Variants in SLC22A23 observed in about 807,000 individuals in gnomAD.
SLC22A23 encodes the protein ion transporter protein.
Under a neutral mutation model 61.0 loss-of-function variants are expected in SLC22A23, and 26 were observed. The ratio of observed to expected loss-of-function variants is 0.43; its 90% CI spans 0.31 to 0.59. The LOEUF is 0.59. SLC22A23 is among the 20% of genes least tolerant of loss of function. SLC22A23 has a pLI of 0.11. For synonymous variants in SLC22A23, 430 were observed against 413.9 expected (o/e 1.04, Z -0.47); for missense variants, 796 against 934.7 (o/e 0.85, Z 1.94).
At chr6:3,343,566 C>T (rs1040929165) in intron 3 of SLC22A23, among the ~76,000 whole-genome samples, 21 of 152,116 alleles carry the variant, frequency 1.4e-4, no homozygotes, top group Non-Finnish European at 2.6e-4. Flanking sequence ...ATCACCATGA[C>T]CATTAATGAG....
At chr6:3,289,648 A>C in intron 6 of SLC22A23, 116 bp downstream of exon 6, 1 of 804,666 alleles carries the variant, frequency 1.2e-6, no homozygotes, top group South Asian at 1.8e-5. Context: ...CTTCACACAC[A>C]CACCCTTAGG....
chr6:3,431,927 T>C (rs1581879517), intron 1 of SLC22A23, among the ~76,000 whole-genome samples: 1 of 152,194 alleles, frequency 6.6e-6, no homozygotes, highest in East Asian at 1.9e-4. Flanking sequence ...TAATGCATTG[T>C]AGTTGTTGGT....
In SLC22A23 at chr6:3,330,840, T is replaced by TA. The variant is rs1298569577; in HGVS notation, c.914-6839dup. Among the ~76,000 whole-genome samples, 8 of 152,192 alleles carry TA rather than the reference T, an allele frequency of 5.3e-5. No individual in the cohort carries two copies. The highest frequency in any genetic ancestry group is 7.3e-5 in the Non-Finnish European group (5 of 68,032). ...CTCCATTTAGAGAAAGGGAAAATTT[T>TA]AAAAAACAGAGAAATTTTAAGTATT... On this transcript the variant is annotated intron_variant, in intron 3 of 9. Transcript: ENST00000406686. The surrounding 1 kb of genome is among the most constrained non-coding windows in gnomAD (Gnocchi z 4.7).
rs1242617594 is a variant in SLC22A23 at position 3,360,316 on chromosome 6, C to CA, written c.914-36315dup. Among the ~76,000 whole-genome samples the CA allele has an allele frequency of 4.6e-5, 7 of 152,136 alleles. No individual in the cohort carries two copies. Among genetic ancestry groups the CA allele is most frequent in the Admixed American group, 2.0e-4 (3 of 15,272 alleles). On this transcript the variant is annotated intron_variant, in intron 3 of 9. Transcript: ENST00000406686. This position sits in a 1 kb window ranked among gnomAD's most constrained non-coding sequence, Gnocchi z 4.6. ...CACCCCCCTCCAAATAAAACAACAA[C>CA]AAAAAAGGCAAGTCCGTAGTATTGG... is the stretch of plus-strand genomic sequence containing the variant.
chr6:3,439,421 G>C, intron 1 of SLC22A23: 1 of 390,390 alleles, frequency 2.6e-6, no homozygotes, highest in Non-Finnish European at 5.0e-6. Flanking sequence ...ACGAAGATGG[G>C]CCCGTTCCAC....
chr6:3,415,208 A>C (rs543858658), intron 2 of SLC22A23, among the ~76,000 whole-genome samples: 23 of 152,244 alleles, frequency 1.5e-4, no homozygotes, highest in African/African-American at 5.5e-4. Flanking sequence ...CACAGCGCCC[A>C]TCTGTATTAC....
rs1205834802 is a variant in SLC22A23 at position 3,410,433 on chromosome 6, A to G, written c.759-91T>C. ...ACCCGGTGTCCAGCAGGCACTCAAT[A>G]TATGTTGAATGAGTACTGGGTAAAA... On this transcript the variant is annotated intron_variant, in intron 2 of 9. Coordinates refer to ENST00000406686, the MANE Select transcript of SLC22A23 (RefSeq NM_015482.2). This position sits in a 1 kb window ranked among gnomAD's most constrained non-coding sequence, Gnocchi z 5.0. 2.2e-6 allele frequency: 3 copies of G among 1,349,260 alleles called. No homozygotes were observed. Among genetic ancestry groups the G allele is most frequent in the Admixed American group, 4.8e-5 (2 of 41,292 alleles). 83.6% of individuals were successfully genotyped at this position (1,349,260 alleles called of 1,614,324 possible). A position where few individuals can be genotyped will look rare whatever the true frequency, so the allele number is the denominator to read the frequency against.
At chr6:3,306,746 G>C (rs567993190) in intron 4 of SLC22A23, among the ~76,000 whole-genome samples, 9 of 148,254 alleles carry the variant, frequency 6.1e-5, no homozygotes, top group East Asian at 5.8e-4. Context: ...AACCCCAGGT[G>C]GGGGGAGAGA....
intron 3 of SLC22A23, among the ~76,000 whole-genome samples, chr6:3,398,426 A>G (rs1331218406): frequency 6.6e-6 from 1 of 151,220 alleles, no homozygotes; most frequent in African/African-American, 2.4e-5. Context: ...GAGCAGGCAG[A>G]GCCAACTCTG....
intron 1 of SLC22A23, among the ~76,000 whole-genome samples, chr6:3,422,282 G>T (rs994919019): frequency 6.6e-6 from 1 of 152,108 alleles, no homozygotes; most frequent in Non-Finnish European, 1.5e-5. Flanking sequence ...TACCATGGAC[G>T]TGCGGTGCTC....
At position 3,286,974 on chromosome 6, in the gene SLC22A23, C is replaced by T. The variant is rs199733964; in HGVS notation, c.1431G>A (p.Leu477=). Residue 477 remains leucine (L), a synonymous_variant, in exon 7 of 10, where the codon CTG becomes CTA. Coordinates refer to ENST00000406686, the MANE Select transcript of SLC22A23 (RefSeq NM_015482.2). This position sits in a 1 kb window ranked among gnomAD's most constrained non-coding sequence, Gnocchi z 4.2. ...ADYYTTASIA[L]VSCLAMCVVV... ...CCACGCACATGGCCAGGCAGGACAC[C>T]AGCGCGATGCTGGCCGTGGTATAGT... The T allele has an allele frequency of 3.1e-6, 5 of 1,614,130 alleles. No homozygotes were observed. The East Asian group carries it at 6.7e-5, about 22-fold the overall frequency.
intron 3 of SLC22A23, among the ~76,000 whole-genome samples, chr6:3,392,544 A>G (rs1173391201): frequency 6.6e-6 from 1 of 152,214 alleles, no homozygotes; most frequent in East Asian, 1.9e-4. Flanking sequence ...TCAGTTAGAA[A>G]GCCATTGTGC....
chr6:3,292,539 A>C (rs944087390), intron 5 of SLC22A23, among the ~76,000 whole-genome samples: 3 of 152,206 alleles, frequency 2.0e-5, no homozygotes. Context: ...ACTTAGAGCC[A>C]TCAGAAAATT....
At chr6:3,418,884 C>G (rs1364371947) in intron 1 of SLC22A23, among the ~76,000 whole-genome samples, 1 of 152,178 alleles carries the variant, frequency 6.6e-6, no homozygotes, top group South Asian at 2.1e-4. Context: ...CCCATGGCAC[C>G]GACACCCTTG....
chr6:3,351,877 GGGCCAA>G (rs1484555840), intron 3 of SLC22A23, among the ~76,000 whole-genome samples: 12 of 152,324 alleles, frequency 7.9e-5, no homozygotes, highest in African/African-American at 2.9e-4. Context: ...ATGGGCAGCA[GGGCCAA>G]GGCCTGAGCT....
rs904644230 is a variant in SLC22A23, at chr6:3,295,739, C to T, written c.1210+2352G>A. ...ACACGCTGCCTTCCCCCACACTCAG[C>T]AGCCCTGCCAATCGTGCTGCCATCA... is the stretch of plus-strand genomic sequence containing the variant. On this transcript the variant is annotated intron_variant, in intron 5 of 9. Transcript: ENST00000406686. 2.0e-5 allele frequency among the ~76,000 whole-genome samples: 3 copies of T among 152,168 alleles called. 1 individual carries two copies. The highest frequency in any genetic ancestry group is 7.2e-5 in the African/African-American group (3 of 41,422).
intron 3 of SLC22A23, among the ~76,000 whole-genome samples, chr6:3,403,701 C>T (rs1768596167): frequency 6.6e-6 from 1 of 152,114 alleles, no homozygotes; most frequent in Non-Finnish European, 1.5e-5. Context: ...CACTCCCACC[C>T]CAAGAAATCT....
chr6:3,280,292 C>T (rs1378018369), intron 9 of SLC22A23, among the ~76,000 whole-genome samples: 1 of 152,120 alleles, frequency 6.6e-6, no homozygotes, highest in Non-Finnish European at 1.5e-5. Context: ...CAAGGCCACA[C>T]AGGGAGGCGG....
intron 3 of SLC22A23, among the ~76,000 whole-genome samples, chr6:3,378,726 C>T (rs1280068431): frequency 1.4e-5 from 2 of 137,964 alleles, no homozygotes; most frequent in African/African-American, 2.7e-5. Flanking sequence ...GGCGTGATCT[C>T]GGCTCACTGC....
Sources: gnomAD v4.1 joint callset for allele counts (sites outside exome capture counted in the v4.1 genomes callset) on GRCh38, gnomAD v4.1.1 for gene constraint, Gnocchi (gnomAD v3.1) non-coding constraint, MANE v1.5 for transcripts, NCBI Gene and HGNC (gene_info 2026-07-23, HGNC 2026-07-21) for gene names.